NDST4: variants seen among roughly 807,000 people sequenced by gnomAD.
The protein encoded by NDST4 is N-deacetylase and N-sulfotransferase 4.
Under a neutral mutation model 100.8 loss-of-function variants are expected in NDST4, and 63 were observed. The observed-to-expected ratio is 0.62, with a 90% CI of 0.51 to 0.77. The LOEUF is 0.77. NDST4 is among the 30% of genes least tolerant of loss of function. The pLI is 0.00. For synonymous variants in NDST4, 377 were observed against 361.8 expected, an observed-to-expected ratio of 1.04 and a Z score of -0.48; for missense variants, 943 against 1,018.4, an observed-to-expected ratio of 0.93 and a Z score of 1.01.
chr4:114,995,582 G>A (rs1448999282), intron 2 of NDST4, among the ~76,000 whole-genome samples: 2 of 151,962 alleles, frequency 1.3e-5, no homozygotes, highest in Non-Finnish European at 2.9e-5. Context: ...ATCAAATATG[G>A]TTACAGACTA....
chr4:114,876,384 T>C (rs1724254417), intron 6 of NDST4, among the ~76,000 whole-genome samples: 1 of 152,192 alleles, frequency 6.6e-6, no homozygotes, highest in Non-Finnish European at 1.5e-5. Context: ...TGATGGCTCA[T>C]CTGATGGGCT....
chr4:114,909,459 G>T (rs993196269), intron 6 of NDST4, among the ~76,000 whole-genome samples: 4 of 151,398 alleles, frequency 2.6e-5, no homozygotes, highest in African/African-American at 9.7e-5. Context: ...AGGAGATCGA[G>T]ACCATCCTGG....
chr4:114,991,026 T>C (rs1197364288), intron 2 of NDST4, among the ~76,000 whole-genome samples: 2 of 151,992 alleles, frequency 1.3e-5, no homozygotes, highest in African/African-American at 4.8e-5. Flanking sequence ...AAATTTTCCT[T>C]TTAATTAAAG....
rs140641642 is a variant in NDST4, at chr4:114,983,176, T to C, written c.979-5902A>G. Among the ~76,000 whole-genome samples the C allele has an allele frequency of 2.3e-3, 349 of 152,308 alleles. 1 individual carries two copies. Among genetic ancestry groups the C allele is most frequent in the Middle Eastern group, 0.01 (3 of 294 alleles). ...GGGAAATGTGGGGTTGGAACACCCTTTCCAAATCCCCACTGGGGCACTGCC... is the reference window on the plus strand; with the variant it reads ...GGGAAATGTGGGGTTGGAACACCCTCTCCAAATCCCCACTGGGGCACTGCC... On this transcript the variant is annotated intron_variant, in intron 2 of 13. Transcript: ENST00000264363.
At chr4:114,927,418 C>T (rs1725409271) in intron 6 of NDST4, among the ~76,000 whole-genome samples, 1 of 151,994 alleles carries the variant, frequency 6.6e-6, no homozygotes, top group Non-Finnish European at 1.5e-5. Context: ...TTGTAGCCCA[C>T]ACAATTTTCT....
At chr4:115,055,951 C>G (rs765943968) in intron 2 of NDST4, among the ~76,000 whole-genome samples, 2 of 152,050 alleles carry the variant, frequency 1.3e-5, no homozygotes, top group African/African-American at 4.8e-5. Context: ...TAAATTATCA[C>G]TGTGTGTCAT....
chr4:114,977,188 T>C lies in NDST4; in HGVS notation c.1065A>G (p.Thr355=). 1 of 1,595,400 alleles carries C rather than the reference T, an allele frequency of 6.3e-7. No homozygotes were observed. The highest frequency in any genetic ancestry group is 8.6e-7 in the Non-Finnish European group (1 of 1,165,880). Reference sequence around the variant, plus strand: ...TGAGAACACAAAGCTCCTTCTTACCTGTGTGGTAAAACTTCCCTGAAAATC... The same window carrying C: ...TGAGAACACAAAGCTCCTTCTTACCCGTGTGGTAAAACTTCCCTGAAAATC... ...NLGFSGKFYH[T]GTEEEDEGDD... is the part of the protein sequence containing the mutation. Residue 355 remains threonine, a splice_region_variant and synonymous_variant, in exon 3 of 14, where the codon ACA becomes ACG. Coordinates refer to ENST00000264363, the MANE Select transcript of NDST4 (RefSeq NM_022569.3).
At chr4:114,887,766 C>T in intron 6 of NDST4, among the ~76,000 whole-genome samples, 1 of 152,094 alleles carries the variant, frequency 6.6e-6, no homozygotes, top group East Asian at 1.9e-4. Flanking sequence ...TGCAACTTAA[C>T]TTTTTCACCC....
chr4:114,847,908 C>A (rs1723589570), intron 9 of NDST4, among the ~76,000 whole-genome samples: 1 of 152,126 alleles, frequency 6.6e-6, no homozygotes, highest in African/African-American at 2.4e-5. Context: ...AAAAATTAGG[C>A]ACAGTTAAAT....
At chr4:114,952,793 G>T (rs1226254598) in intron 4 of NDST4, among the ~76,000 whole-genome samples, 1 of 151,854 alleles carries the variant, frequency 6.6e-6, no homozygotes, top group Non-Finnish European at 1.5e-5. Context: ...TAGAAAATAT[G>T]TTTTCTTGTT....
At chr4:114,880,608 C>G (rs1255838284) in intron 6 of NDST4, among the ~76,000 whole-genome samples, 2 of 152,082 alleles carry the variant, frequency 1.3e-5, no homozygotes, top group African/African-American at 4.8e-5. Flanking sequence ...GTTATTCAAG[C>G]AATCAACCAA....
At chr4:114,893,729 A>T (rs1453271545) in intron 6 of NDST4, among the ~76,000 whole-genome samples, 1 of 152,052 alleles carries the variant, frequency 6.6e-6, no homozygotes, top group African/African-American at 2.4e-5. Flanking sequence ...TGCTGTCCAG[A>T]AGCTCTTTAG....
At chr4:115,029,795 G>A (rs1401984427) in intron 2 of NDST4, among the ~76,000 whole-genome samples, 1 of 152,052 alleles carries the variant, frequency 6.6e-6, no homozygotes, top group African/African-American at 2.4e-5. Flanking sequence ...GAGAACTATA[G>A]AGAAAATAGT....
chr4:115,005,963 C>A (rs1727404880), intron 2 of NDST4, among the ~76,000 whole-genome samples: 1 of 141,356 alleles, frequency 7.1e-6, no homozygotes, highest in Non-Finnish European at 1.5e-5. Context: ...ACTCGGGAGG[C>A]AGAGCTTGCA....
chr4:115,062,615 A>G (rs1330137394), intron 2 of NDST4, among the ~76,000 whole-genome samples: 1 of 151,728 alleles, frequency 6.6e-6, no homozygotes, highest in Non-Finnish European at 1.5e-5. Context: ...CATGCAGACT[A>G]TCTAAAGAAC....
intron 6 of NDST4, among the ~76,000 whole-genome samples, chr4:114,886,601 A>T (rs1416015126): frequency 6.6e-6 from 1 of 152,144 alleles, no homozygotes; most frequent in Non-Finnish European, 1.5e-5. Flanking sequence ...CTAATTTGTG[A>T]AATACTATAA....
At position 114,961,779 on chromosome 4, in the gene NDST4, C is replaced by T. The variant is rs147305571; in HGVS notation, c.1221+8651G>A. ...AATAATTAATGCTTGTAATTTGTGACTTCTCTTCCCTTTATACATAAAAAA... is the reference window on the plus strand; with the variant it reads ...AATAATTAATGCTTGTAATTTGTGATTTCTCTTCCCTTTATACATAAAAAA... On this transcript the variant is annotated intron_variant, in intron 4 of 13. Coordinates refer to ENST00000264363, the MANE Select transcript of NDST4 (RefSeq NM_022569.3). Among the ~76,000 whole-genome samples the T allele has an allele frequency of 6.0e-3, 907 of 152,100 alleles. 8 individuals carry two copies. The highest frequency in any genetic ancestry group is 0.021 in the African/African-American group (868 of 41,552).
intron 4 of NDST4, among the ~76,000 whole-genome samples, chr4:114,942,677 G>C (rs1396257286): frequency 6.6e-6 from 1 of 151,992 alleles, no homozygotes; most frequent in African/African-American, 2.4e-5. Flanking sequence ...GATTTTTCTA[G>C]TGATGTGGCT....
At chr4:114,974,876 T>C (rs1287323860) in intron 3 of NDST4, among the ~76,000 whole-genome samples, 6 of 152,098 alleles carry the variant, frequency 3.9e-5, no homozygotes, top group Admixed American at 3.9e-4. Context: ...ACACTGGGCC[T>C]ATGTGATTAA....
Sources: gnomAD v4.1 joint callset for allele counts (sites outside exome capture counted in the v4.1 genomes callset) on GRCh38, gnomAD v4.1.1 for gene constraint, MANE v1.5 for transcripts, NCBI Gene and HGNC (gene_info 2026-07-23, HGNC 2026-07-21) for gene names.